POLR1A: variants seen among roughly 807,000 people sequenced by gnomAD.
The protein encoded by POLR1A is RNA polymerase I subunit A, also known as DNA-directed RNA polymerase I subunit RPA1.
A neutral mutation model predicts 205.3 loss-of-function variants in POLR1A; 84 were observed. The ratio of observed to expected loss-of-function variants is 0.41; its 90% CI spans 0.34 to 0.49. The LOEUF is 0.49. Among genes scored for constraint, POLR1A ranks in the 20% least tolerant of loss-of-function variants. POLR1A has a pLI of 0.22. For missense variants in POLR1A, 1,645 were observed against 2,204.5 expected (o/e 0.75, Z 5.08); for synonymous variants, 799 against 863.7 (o/e 0.93, Z 1.31).
At chr2:86,103,074 T>C (rs1673851464) in intron 1 of POLR1A, among the ~76,000 whole-genome samples, 1 of 152,194 alleles carries the variant, frequency 6.6e-6, no homozygotes, top group Admixed American at 6.5e-5. Context: ...TTACAGGCCT[T>C]ACATTCTATT....
At chr2:86,091,355 A>C (rs1673603420) in intron 3 of POLR1A, among the ~76,000 whole-genome samples, 1 of 152,180 alleles carries the variant, frequency 6.6e-6, no homozygotes, top group Non-Finnish European at 1.5e-5. Context: ...TCCTGGGCCC[A>C]AGCAATCCTC....
chr2:86,087,822 T>G (rs1673528833), intron 6 of POLR1A, among the ~76,000 whole-genome samples: 1 of 152,116 alleles, frequency 6.6e-6, no homozygotes, highest in South Asian at 2.1e-4. Context: ...GGATTACAGG[T>G]GTGAGCTACC....
chr2:86,027,647 T>C, intron 33 of POLR1A, 124 bp from the exon 34 acceptor site: 1 of 913,948 alleles, frequency 1.1e-6, no homozygotes, highest in Non-Finnish European at 1.8e-6. Context: ...CTGAAGCTGA[T>C]GGGATCACGA....
rs1672651185 is a variant in POLR1A, at chr2:86,043,272, C to T, written c.3136-77G>A. The T allele has an allele frequency of 3.3e-6, 4 of 1,225,548 alleles. No individual in the cohort carries two copies. In the Admixed American group the frequency reaches 5.4e-5, roughly 16 times the overall value. 75.9% of individuals were successfully genotyped at this position (1,225,548 alleles called of 1,614,324 possible). On this transcript the variant is annotated intron_variant, in intron 22 of 33. Coordinates refer to ENST00000263857, the MANE Select transcript of POLR1A (RefSeq NM_015425.6). ...AGAGATGAGGGCGTGACAAGAGGGC[C>T]ATGGAGCACAAATTCAGGGGACCCA...
chr2:86,045,512 T>A, intron 20 of POLR1A, 105 bp downstream of exon 20: 7 of 1,332,890 alleles, frequency 5.3e-6, no homozygotes, highest in Non-Finnish European at 7.5e-6. Context: ...ACAGCTACAA[T>A]AGCCCCCAGT....
chr2:86,093,420 G>A (rs1048782627), intron 3 of POLR1A, among the ~76,000 whole-genome samples: 2 of 152,092 alleles, frequency 1.3e-5, no homozygotes, highest in Non-Finnish European at 1.5e-5. Flanking sequence ...CTATAAACAT[G>A]GACACTCACA....
At chr2:86,032,649 TA>T (rs201957767) in intron 28 of POLR1A, among the ~76,000 whole-genome samples, 10 of 149,068 alleles carry the variant, frequency 6.7e-5, no homozygotes, top group Non-Finnish European at 7.4e-5. Context: ...TCCCAAAAAT[TA>T]AAAAAAAAAG....
Position 86,052,799 on chromosome 2 carries a change from A to G in POLR1A, c.2392+18T>C, listed in dbSNP as rs1266396550. The G allele has an allele frequency of 6.7e-7, 1 of 1,487,248 alleles. No individual in the cohort carries two copies. Among genetic ancestry groups the G allele is most frequent in the Non-Finnish European group, 9.0e-7 (1 of 1,112,328 alleles). 92.1% of individuals were successfully genotyped at this position (1,487,248 alleles called of 1,614,324 possible). ...CGCTGACGGGTCACTGCCCCAGGGCAGCGAGCCCGGCACTTACCCAAGGTG... is the reference window on the plus strand; with the variant it reads ...CGCTGACGGGTCACTGCCCCAGGGCGGCGAGCCCGGCACTTACCCAAGGTG... On this transcript the variant is annotated intron_variant, in intron 16 of 33. Coordinates refer to ENST00000263857, the MANE Select transcript of POLR1A (RefSeq NM_015425.6).
intron 6 of POLR1A, among the ~76,000 whole-genome samples, chr2:86,086,479 G>T (rs1280187627): frequency 6.6e-6 from 1 of 152,208 alleles, no homozygotes; most frequent in African/African-American, 2.4e-5. Context: ...GCTCCCCAGG[G>T]TTACTGATCT....
At chr2:86,039,228 C>T in intron 26 of POLR1A, 99 bp downstream of exon 26, 1 of 1,321,962 alleles carries the variant, frequency 7.6e-7, no homozygotes, top group Non-Finnish European at 1.1e-6. Context: ...GAATCTGAGC[C>T]TAGGGTCAGA....
At chr2:86,058,085 C>CTT (rs1672928926) in intron 14 of POLR1A, among the ~76,000 whole-genome samples, 1 of 149,126 alleles carries the variant, frequency 6.7e-6, no homozygotes, top group East Asian at 2.2e-4. Flanking sequence ...CTCTACTCTA[C>CTT]TCTCTCTACT....
chr2:86,022,148 CCTT>C lies in POLR1A; in HGVS notation c.*5272_*5274del, dbSNP rs1303304247. On this transcript the variant is annotated 3_prime_UTR_variant, in exon 34 of 34. Transcript: ENST00000263857. Reference sequence around the variant, plus strand: ...GAAACGCTGGCTGGCTGAGTTCCCTCCTTCTGCCCCTGCTGGACAAATGGCCTC... The same window carrying C: ...GAAACGCTGGCTGGCTGAGTTCCCTCCTGCCCCTGCTGGACAAATGGCCTC... The C allele has an allele frequency of 1.3e-5, 2 of 152,270 alleles. No individual in the cohort carries two copies. Among genetic ancestry groups the C allele is most frequent in the Non-Finnish European group, 2.9e-5 (2 of 68,070 alleles). 9.4% of individuals were successfully genotyped at this position (152,270 alleles called of 1,614,324 possible). A position where few individuals can be genotyped will look rare whatever the true frequency, so the allele number is the denominator to read the frequency against.
intron 21 of POLR1A, 49 bp downstream of exon 21, chr2:86,045,228 AG>A (rs766149131): frequency 8.6e-7 from 1 of 1,166,068 alleles, no homozygotes; most frequent in Non-Finnish European, 1.3e-6. Flanking sequence ...AGATGATGGC[AG>A]GAAGGGCCCT....
chr2:86,067,286 A>C lies in POLR1A; in HGVS notation c.1867-1821T>G, dbSNP rs181446122. 2.6e-5 allele frequency among the ~76,000 whole-genome samples: 4 copies of C among 152,354 alleles called. No individual in the cohort carries two copies. In the East Asian group the frequency reaches 5.8e-4, roughly 22 times the overall value. ...CTATTCTCCTTAATAGCAAAATGAC[A>C]TTACAATTAATGTCTCTGGTTAGGA... On this transcript the variant is annotated intron_variant, in intron 13 of 33. Transcript: ENST00000263857.
chr2:86,051,917 T>C (rs943887870), intron 16 of POLR1A, among the ~76,000 whole-genome samples: 1 of 152,174 alleles, frequency 6.6e-6, no homozygotes. Flanking sequence ...TTGCCCAGCA[T>C]AGTGTTTCCA....
chr2:86,086,194 G>T (rs574021033), intron 6 of POLR1A, among the ~76,000 whole-genome samples: 3 of 152,266 alleles, frequency 2.0e-5, no homozygotes, highest in African/African-American at 7.2e-5. Flanking sequence ...GAGTAGCTGG[G>T]ATTACAGGCG....
In POLR1A at chr2:86,041,006, G is replaced by A. The variant is rs377562680; in HGVS notation, c.3573-447C>T. 5.9e-5 allele frequency among the ~76,000 whole-genome samples: 9 copies of A among 152,208 alleles called. No individual in the cohort carries two copies. In the East Asian group the frequency reaches 7.7e-4, roughly 13 times the overall value. On this transcript the variant is annotated intron_variant, in intron 24 of 33. Transcript: ENST00000263857. ...AGGCCATTATGGGGATGGGGGTGAT[G>A]AGAGTGTTTATATTTTTAGTTAGTG...
chr2:86,050,060 G>A (rs767304474), intron 16 of POLR1A, among the ~76,000 whole-genome samples: 1 of 152,074 alleles, frequency 6.6e-6, no homozygotes, highest in Non-Finnish European at 1.5e-5. Context: ...TGGGACTACA[G>A]GTGCACGCCA....
intron 12 of POLR1A, among the ~76,000 whole-genome samples, chr2:86,072,541 TC>T (rs1463696354): frequency 1.3e-5 from 2 of 152,212 alleles, no homozygotes; most frequent in East Asian, 3.8e-4. Flanking sequence ...CACAGGGTAT[TC>T]CCCTTGCCAA....
Sources: allele counts gnomAD v4.1 joint callset (sites outside exome capture counted in the v4.1 genomes callset), GRCh38; gene constraint gnomAD v4.1.1; transcripts MANE v1.5; gene names NCBI Gene and HGNC (gene_info 2026-07-23, HGNC 2026-07-21).